The following ASXL3 variants were observed in gnomAD, a reference collection of about 807,000 sequenced individuals.
ASXL3 encodes ASXL transcriptional regulator 3.
A neutral mutation model predicts 170.6 loss-of-function variants in ASXL3; 34 were observed. That is an observed-to-expected ratio of 0.20 (90% confidence interval 0.15 to 0.27). The LOEUF (loss-of-function observed/expected upper bound fraction) is 0.27. Among genes scored for constraint, ASXL3 ranks in the 10% least tolerant of loss-of-function variants. ASXL3 has a pLI of 1.00. For missense variants in ASXL3, 2,592 were observed against 2,695.3 expected (o/e 0.96, Z 0.85); for synonymous variants, 1,002 against 989.1 (o/e 1.01, Z -0.24).
chr18:33,702,532 T>G (rs2066890552), intron 8 of ASXL3, among the ~76,000 whole-genome samples: 1 of 152,180 alleles, frequency 6.6e-6, no homozygotes, highest in South Asian at 2.1e-4. Flanking sequence ...TGTTAAACTA[T>G]TATGAATGGC....
At chr18:33,579,527 GTC>G (rs1246010342) in intron 1 of ASXL3, among the ~76,000 whole-genome samples, 2 of 152,180 alleles carry the variant, frequency 1.3e-5, no homozygotes, top group African/African-American at 4.8e-5. Context: ...TCGAAAGAAT[GTC>G]TCTATAGAAA....
At chr18:33,705,984 T>A (rs1409991560) in intron 8 of ASXL3, among the ~76,000 whole-genome samples, 1 of 151,926 alleles carries the variant, frequency 6.6e-6, no homozygotes, top group East Asian at 1.9e-4. Context: ...GAACTTTATA[T>A]ACTGGAATCA....
chr18:33,738,798 G>A lies in ASXL3; in HGVS notation c.1394G>A (p.Cys465Tyr). Residue 465 changes from cysteine (C) to tyrosine (Y), a missense_variant, in exon 11 of 12, where the codon TGC (cysteine) becomes TAC (tyrosine). Cys to Tyr is a radical substitution (Grantham distance 194). Coordinates refer to ENST00000269197, the MANE Select transcript of ASXL3 (RefSeq NM_030632.3). ...AEEVETSICE[C>Y]QDENHKTIPE... ...GAGGTAGAGACTAGTATCTGTGAAT[G>A]CCAGGATGAAAATCATAAGACAATA... 6.2e-7 allele frequency: 1 copy of A among 1,613,578 alleles called. No homozygotes were observed. Among genetic ancestry groups the A allele is most frequent in the East Asian group, 2.2e-5 (1 of 44,894 alleles).
rs1268135074 is a variant in ASXL3 at position 33,675,949 on chromosome 18, GGT to G, written c.715+4085_715+4086del. On this transcript the variant is annotated intron_variant, in intron 7 of 11. Transcript: ENST00000269197. ...AAGAAAAAAATTCCTCGGTTGGCTG[GGT>G]GCAGTGGCTCACACCTGTAATCCAG... Among the ~76,000 whole-genome samples, 14 of 152,042 alleles carry G rather than the reference GGT, an allele frequency of 9.2e-5. No individual in the cohort carries two copies. The East Asian group carries it at 2.7e-3, about 30-fold the overall frequency.
chr18:33,661,250 G>T (rs139263568), intron 4 of ASXL3, among the ~76,000 whole-genome samples: 119 of 151,036 alleles, frequency 7.9e-4, no homozygotes, highest in African/African-American at 2.3e-3. Context: ...GTTTTTTTTT[G>T]TTTGTTTTTA....
rs750655781 is a variant in ASXL3, at chr18:33,745,092, G to A, written c.5244G>A (p.Pro1748=). Residue 1748 remains proline, a synonymous_variant, in exon 12 of 12, where the codon CCG becomes CCA. Coordinates refer to ENST00000269197, the MANE Select transcript of ASXL3 (RefSeq NM_030632.3). ...TGTCCTCTGTGGAGGCTAACAATCCGCTGGTGACGCAGTTACTACAGGGCA... is the reference window on the plus strand; with the variant it reads ...TGTCCTCTGTGGAGGCTAACAATCCACTGGTGACGCAGTTACTACAGGGCA... ...CRLSSVEANN[P]LVTQLLQGNL... is the part of the protein sequence containing the mutation. The A allele has an allele frequency of 1.4e-5, 23 of 1,613,852 alleles. No homozygotes were observed. Among genetic ancestry groups the A allele is most frequent in the Middle Eastern group, 1.6e-4 (1 of 6,084 alleles).
intron 2 of ASXL3, among the ~76,000 whole-genome samples, chr18:33,623,943 G>C (rs769980058): frequency 4.6e-5 from 7 of 152,112 alleles, no homozygotes; most frequent in Non-Finnish European, 8.8e-5. Context: ...AGGATGGCTT[G>C]AGGCCAGGAG....
intron 2 of ASXL3, among the ~76,000 whole-genome samples, chr18:33,629,854 T>C (rs1284171612): frequency 6.6e-6 from 1 of 152,100 alleles, no homozygotes; most frequent in East Asian, 1.9e-4. Flanking sequence ...TTTATTAATA[T>C]GTATGTATAA....
Position 33,578,641 on chromosome 18 carries a change from A to T in ASXL3, c.10A>T (p.Lys4Ter). The change falls in exon 1 of 12, where the codon AAG becomes TAG. Residue 4 changes from lysine (K) to a stop codon, truncating the protein, a stop_gained. Coordinates refer to ENST00000269197, the MANE Select transcript of ASXL3 (RefSeq NM_030632.3). LOFTEE classifies it high-confidence loss of function. ...TCAATGAGATGCAAACATGAAAGAC[A>T]AGAGGAAGAAGAAGGACCGCACCTG... MKD[K>*]RKKKDRTWAE... 1 of 1,359,350 alleles carries T rather than the reference A, an allele frequency of 7.4e-7. No homozygotes were observed. Among genetic ancestry groups the T allele is most frequent in the East Asian group, 3.8e-5 (1 of 26,358 alleles). 84.2% of individuals were successfully genotyped at this position (1,359,350 alleles called of 1,614,324 possible).
At chr18:33,649,795 T>C (rs1205596824) in intron 4 of ASXL3, among the ~76,000 whole-genome samples, 1 of 152,120 alleles carries the variant, frequency 6.6e-6, no homozygotes, top group African/African-American at 2.4e-5. Flanking sequence ...GGTTATTTGA[T>C]CTGGTGTTCT....
At chr18:33,660,747 G>A (rs769793765) in intron 4 of ASXL3, among the ~76,000 whole-genome samples, 2 of 152,110 alleles carry the variant, frequency 1.3e-5, no homozygotes, top group Non-Finnish European at 2.9e-5. Context: ...GCCTGCATCT[G>A]TGCTCCTACT....
chr18:33,595,777 T>C (rs2065120619), intron 1 of ASXL3, among the ~76,000 whole-genome samples: 1 of 152,120 alleles, frequency 6.6e-6, no homozygotes, highest in African/African-American at 2.4e-5. Context: ...AGTTTTAGGG[T>C]TGTACATCCT....
At chr18:33,731,042 A>G (rs1464208558) in intron 8 of ASXL3, among the ~76,000 whole-genome samples, 1 of 152,180 alleles carries the variant, frequency 6.6e-6, no homozygotes, top group Non-Finnish European at 1.5e-5. Context: ...TTGATTAGAC[A>G]TTATCCAGCT....
chr18:33,609,537 A>AAT (rs2065302520), intron 2 of ASXL3, among the ~76,000 whole-genome samples: 1 of 152,032 alleles, frequency 6.6e-6, no homozygotes, highest in Non-Finnish European at 1.5e-5. Context: ...GTCCTCCCAG[A>AAT]ATGGTATATA....
At chr18:33,717,154 C>T (rs911869469) in intron 8 of ASXL3, among the ~76,000 whole-genome samples, 3 of 152,096 alleles carry the variant, frequency 2.0e-5, no homozygotes, top group Non-Finnish European at 2.9e-5. Flanking sequence ...ACTGATTTTG[C>T]TCAAGGCTAA....
rs777023615 is a variant in ASXL3 at position 33,750,868 on chromosome 18, G to A, written c.*4273G>A. The A allele has an allele frequency of 6.6e-6, 1 of 152,204 alleles. No individual in the cohort carries two copies. Among genetic ancestry groups the A allele is most frequent in the Non-Finnish European group, 1.5e-5 (1 of 68,032 alleles). The allele number at this position is 152,204 out of a possible 1,614,324, so 9.4% of individuals were successfully genotyped here. Reference sequence around the variant, plus strand: ...CTCAGAAGGGGGAGCAGTTGATTCAGTAAGACTGCGACAATTTAATACTGT... The same window carrying A: ...CTCAGAAGGGGGAGCAGTTGATTCAATAAGACTGCGACAATTTAATACTGT... On this transcript the variant is annotated 3_prime_UTR_variant, in exon 12 of 12. Transcript: ENST00000269197.
chr18:33,644,154 T>C (rs1462661039), intron 2 of ASXL3, among the ~76,000 whole-genome samples: 1 of 151,976 alleles, frequency 6.6e-6, no homozygotes, highest in Non-Finnish European at 1.5e-5. Flanking sequence ...ATATTTTAAA[T>C]GTTAGTTTAA....
intron 1 of ASXL3, among the ~76,000 whole-genome samples, chr18:33,593,062 T>C (rs1568266823): frequency 6.6e-6 from 1 of 152,122 alleles, no homozygotes; most frequent in Non-Finnish European, 1.5e-5. Context: ...GGAATTGAAT[T>C]CCAAGATTGT....
At chr18:33,603,001 T>C (rs1186632425) in intron 1 of ASXL3, among the ~76,000 whole-genome samples, 2 of 152,076 alleles carry the variant, frequency 1.3e-5, no homozygotes, top group Non-Finnish European at 2.9e-5. Context: ...GACACATTAA[T>C]GTTAGAAAAA....
Sources: allele counts gnomAD v4.1 joint callset (sites outside exome capture counted in the v4.1 genomes callset), GRCh38; gene constraint gnomAD v4.1.1; transcripts MANE v1.5; gene names NCBI Gene and HGNC (gene_info 2026-07-23, HGNC 2026-07-21).